Variants in DOCK4 observed in about 807,000 individuals in gnomAD.
DOCK4 encodes the protein dedicator of cytokinesis protein 4.
In DOCK4, 97 loss-of-function variants were observed where a neutral mutation model predicts 268.1. The ratio of observed to expected loss-of-function variants is 0.36; its 90% CI spans 0.31 to 0.43. The LOEUF is 0.43. DOCK4 is among the 20% of genes least tolerant of loss of function. The probability of loss-of-function intolerance (pLI) is 1.00; values close to 1 mark genes in which losing one functional copy is unlikely to be tolerated. For missense variants in DOCK4, 2,145 were observed against 2,455.7 expected (o/e 0.87, Z 2.67); for synonymous variants, 954 against 887.2 (o/e 1.08, Z -1.34).
At chr7:111,828,886 GTGTA>G (rs149346292) in intron 26 of DOCK4, among the ~76,000 whole-genome samples, 3,692 of 128,384 alleles carry the variant, frequency 0.029, 128 homozygotes, top group African/African-American at 0.13. Context: ...GTGTGTGTGT[GTGTA>G]TATATATATA....
intron 1 of DOCK4, among the ~76,000 whole-genome samples, chr7:112,042,242 T>C (rs879806648): frequency 1.6e-4 from 24 of 152,230 alleles, no homozygotes; most frequent in South Asian, 8.3e-4. Flanking sequence ...ATTCCTCATT[T>C]AGTGAACCCT....
At chr7:112,108,984 G>C (rs372138839) in intron 1 of DOCK4, among the ~76,000 whole-genome samples, 1 of 152,170 alleles carries the variant, frequency 6.6e-6, no homozygotes, top group African/African-American at 2.4e-5. Context: ...ACTGGGGGAG[G>C]AGGAGAGCAG....
intron 12 of DOCK4, among the ~76,000 whole-genome samples, chr7:111,930,691 CT>C (rs1449672211): frequency 3.3e-5 from 5 of 152,128 alleles, no homozygotes; most frequent in African/African-American, 1.2e-4. Context: ...CCTAATTTCC[CT>C]CTTCAATTTC....
intron 22 of DOCK4, among the ~76,000 whole-genome samples, chr7:111,867,602 C>T (rs544591181): frequency 5.3e-5 from 8 of 152,262 alleles, no homozygotes; most frequent in African/African-American, 1.4e-4. Flanking sequence ...TATAATGATT[C>T]TCAAGTTGAC....
chr7:111,916,805 T>C (rs1387124958), intron 12 of DOCK4, among the ~76,000 whole-genome samples: 2 of 152,046 alleles, frequency 1.3e-5, no homozygotes, highest in Admixed American at 6.6e-5. Flanking sequence ...CAAATTATTA[T>C]ATTTTTAATT....
intron 23 of DOCK4, among the ~76,000 whole-genome samples, chr7:111,849,037 G>A (rs144527250): frequency 1.2e-3 from 180 of 152,230 alleles, no homozygotes; most frequent in African/African-American, 4.0e-3. Flanking sequence ...CTTTGTAACC[G>A]GGCCCTAGAG....
intron 52 of DOCK4, among the ~76,000 whole-genome samples, chr7:111,729,076 C>G (rs896476045): frequency 6.6e-6 from 1 of 152,148 alleles, no homozygotes; most frequent in Admixed American, 6.5e-5. Context: ...TGAGAAAATA[C>G]ATTCCCAGTG....
At chr7:111,895,984 G>C (rs1808715924) in intron 15 of DOCK4, among the ~76,000 whole-genome samples, 1 of 152,112 alleles carries the variant, frequency 6.6e-6, no homozygotes, top group Non-Finnish European at 1.5e-5. Flanking sequence ...TTTGTGGATT[G>C]CCTGTTTCTT....
chr7:112,058,091 G>A (rs1452367322), intron 1 of DOCK4, among the ~76,000 whole-genome samples: 2 of 140,356 alleles, frequency 1.4e-5, no homozygotes, highest in Non-Finnish European at 3.0e-5. Context: ...CTGTATGAAT[G>A]GTGTAAAGTC....
chr7:111,850,972 A>G (rs1308039072), intron 23 of DOCK4, among the ~76,000 whole-genome samples: 1 of 152,172 alleles, frequency 6.6e-6, no homozygotes, highest in East Asian at 1.9e-4. Context: ...TTTTACTTTA[A>G]CAGATGCCGA....
At chr7:111,985,120 C>G (rs1050172230) in intron 6 of DOCK4, among the ~76,000 whole-genome samples, 2 of 152,132 alleles carry the variant, frequency 1.3e-5, no homozygotes, top group African/African-American at 4.8e-5. Context: ...CAGAGGAACA[C>G]GAGTCTAACT....
rs1003736739 is a variant in DOCK4 at position 111,906,966 on chromosome 7, C to G, written c.1193-5165G>C. On this transcript the variant is annotated intron_variant, in intron 13 of 52. Transcript: ENST00000428084. ...GTAAATGTATGTTGTTTGAAGCCAC[C>G]TTGTTATAGCACCTATAGGAAACTA... 7.2e-5 allele frequency among the ~76,000 whole-genome samples: 11 copies of G among 152,272 alleles called. No individual in the cohort carries two copies. The South Asian group carries it at 2.3e-3, about 32-fold the overall frequency.
chr7:111,756,596 A>C (rs1345388005), intron 41 of DOCK4, among the ~76,000 whole-genome samples: 2 of 152,108 alleles, frequency 1.3e-5, no homozygotes, highest in Non-Finnish European at 2.9e-5. Context: ...ATGTGAAACC[A>C]TGCTGCCTTT....
chr7:112,116,611 C>A (rs1456506871), intron 1 of DOCK4, among the ~76,000 whole-genome samples: 1 of 152,140 alleles, frequency 6.6e-6, no homozygotes, highest in East Asian at 1.9e-4. Context: ...AAAGAGTGAG[C>A]TCTGGCCACA....
At chr7:112,189,939 T>C (rs570509811) in intron 1 of DOCK4, among the ~76,000 whole-genome samples, 1 of 152,064 alleles carries the variant, frequency 6.6e-6, no homozygotes, top group African/African-American at 2.4e-5. Context: ...AACCACAATG[T>C]ATGTTTCAGA....
At position 112,119,999 on chromosome 7, in the gene DOCK4, C is replaced by T. The variant is rs181592588; in HGVS notation, c.37+86103G>A. ...AGTAGCTGGGACTACAGGTGCCCAC[C>T]ACCACAACAGGCTAATCTTTTGTAT... is the stretch of plus-strand genomic sequence containing the variant. On this transcript the variant is annotated intron_variant, in intron 1 of 52. Transcript: ENST00000428084. Among the ~76,000 whole-genome samples the T allele has an allele frequency of 2.6e-5, 4 of 152,170 alleles. No homozygotes were observed. The East Asian group carries it at 7.8e-4, about 30-fold the overall frequency.
chr7:111,981,589 T>C (rs1447801413), intron 7 of DOCK4, among the ~76,000 whole-genome samples: 3 of 152,206 alleles, frequency 2.0e-5, no homozygotes, highest in Non-Finnish European at 4.4e-5. Flanking sequence ...GCACATGCTC[T>C]TCTGAAGCTT....
At chr7:112,018,165 A>C (rs1251971673) in intron 1 of DOCK4, among the ~76,000 whole-genome samples, 17 of 142,682 alleles carry the variant, frequency 1.2e-4, no homozygotes, top group African/African-American at 3.7e-4. Flanking sequence ...AAAAAAAAAA[A>C]AAAAAAAAAA....
chr7:112,097,786 C>T (rs1563081320), intron 1 of DOCK4, among the ~76,000 whole-genome samples: 5 of 152,130 alleles, frequency 3.3e-5, no homozygotes. Flanking sequence ...CCCTGAGATG[C>T]AGGAGATAAT....
Sources: allele counts gnomAD v4.1 joint callset (sites outside exome capture counted in the v4.1 genomes callset), GRCh38; gene constraint gnomAD v4.1.1; transcripts MANE v1.5; gene names NCBI Gene and HGNC (gene_info 2026-07-23, HGNC 2026-07-21).